The following HECTD2 variants were observed in gnomAD, a reference collection of about 807,000 sequenced individuals.
HECTD2 encodes the protein HECT domain E3 ubiquitin protein ligase 2.
A neutral mutation model predicts 103.2 loss-of-function variants in HECTD2; 35 were observed. The ratio of observed to expected loss-of-function variants is 0.34; its 90% CI spans 0.26 to 0.45. The LOEUF is 0.45. HECTD2 is among the 20% of genes least tolerant of loss of function. The probability of loss-of-function intolerance (pLI) is 1.00; values close to 1 mark genes in which losing one functional copy is unlikely to be tolerated. For missense variants in HECTD2, 596 were observed against 937.4 expected (o/e 0.64, Z 4.76); for synonymous variants, 281 against 329.9 (o/e 0.85, Z 1.61).
At chr10:91,412,702 CAAAG>C (rs942786859) in intron 1 of HECTD2, among the ~76,000 whole-genome samples, 4 of 118,880 alleles carry the variant, frequency 3.4e-5, no homozygotes, top group Non-Finnish European at 6.5e-5. Context: ...GTGTATTTGT[CAAAG>C]AGAGACTTCA....
rs1157081430 is a variant in HECTD2, at chr10:91,500,629, A to ATACT, written c.2066+14_2066+17dup. 8 of 1,224,334 alleles carry ATACT rather than the reference A, an allele frequency of 6.5e-6. No homozygotes were observed. In the East Asian group the frequency reaches 7.0e-5, roughly 11 times the overall value. 75.8% of individuals were successfully genotyped at this position (1,224,334 alleles called of 1,614,324 possible). On this transcript the variant is annotated intron_variant, in intron 19 of 20. Coordinates refer to ENST00000298068, the MANE Select transcript of HECTD2 (RefSeq NM_182765.6). ...GACTTAACTATAAAGTGAGCTCTTT[A>ATACT]TACTTCTGATAGTGGGGGATGTGGA...
intron 19 of HECTD2, 97 bp downstream of exon 19, chr10:91,500,714 T>C: frequency 1.6e-6 from 1 of 614,020 alleles, no homozygotes. Flanking sequence ...TTGAATCAAT[T>C]AAGTTAGTCA....
At position 91,487,643 on chromosome 10, in the gene HECTD2, ACAC is replaced by A. The variant is rs1483126914; in HGVS notation, c.1095-36_1095-34del. On this transcript the variant is annotated intron_variant, in intron 10 of 20. Coordinates refer to ENST00000298068, the MANE Select transcript of HECTD2 (RefSeq NM_182765.6). This position sits in a 1 kb window ranked among gnomAD's most constrained non-coding sequence, Gnocchi z 4.1. ...CCCTTAGTATAATTTTGTTAAAAAT[ACAC>A]CATTTTGCTTTTTCTTTTTTTCACT... 2 of 1,296,794 alleles carry A rather than the reference ACAC, an allele frequency of 1.5e-6. No individual in the cohort carries two copies. Among genetic ancestry groups the A allele is most frequent in the Non-Finnish European group, 2.2e-6 (2 of 890,806 alleles). The allele number at this position is 1,296,794 out of a possible 1,614,324, so 80.3% of individuals were successfully genotyped here.
intron 2 of HECTD2, among the ~76,000 whole-genome samples, chr10:91,433,163 TG>T (rs1309673690): frequency 6.6e-6 from 1 of 152,038 alleles, no homozygotes. Flanking sequence ...TAGGTCAGAG[TG>T]GGTAACTTGG....
intron 5 of HECTD2, among the ~76,000 whole-genome samples, chr10:91,467,493 G>A (rs993097365): frequency 6.6e-6 from 1 of 151,992 alleles, no homozygotes; most frequent in Non-Finnish European, 1.5e-5. Context: ...CCTCTCCCAG[G>A]GCCTCAGCCT....
chr10:91,432,345 C>T (rs544021717), intron 2 of HECTD2, among the ~76,000 whole-genome samples: 2 of 151,884 alleles, frequency 1.3e-5, no homozygotes, highest in Non-Finnish European at 2.9e-5. Flanking sequence ...AAAAACCCAG[C>T]GTGGGTTCAC....
intron 1 of HECTD2, among the ~76,000 whole-genome samples, chr10:91,411,225 C>A (rs1842906097): frequency 6.6e-6 from 1 of 152,096 alleles, no homozygotes; most frequent in Non-Finnish European, 1.5e-5. Context: ...GCTGTATCTT[C>A]GTAAGGGTTA....
At position 91,512,740 on chromosome 10, in the gene HECTD2, T is replaced by C. The variant is rs1389256910; in HGVS notation, c.*356T>C. The C allele has an allele frequency of 9.7e-6, 2 of 206,574 alleles. No homozygotes were observed. Among genetic ancestry groups the C allele is most frequent in the East Asian group, 1.0e-4 (1 of 9,578 alleles). The allele number at this position is 206,574 out of a possible 1,614,324, so 12.8% of individuals were successfully genotyped here. Reference sequence around the variant, plus strand: ...TGGTATAGTTGAACCCAGTGGCAGATTGTACACTGCTAGCACTGCTAGCAC... The same window carrying C: ...TGGTATAGTTGAACCCAGTGGCAGACTGTACACTGCTAGCACTGCTAGCAC... On this transcript the variant is annotated 3_prime_UTR_variant, in exon 21 of 21. Transcript: ENST00000298068.
intron 1 of HECTD2, among the ~76,000 whole-genome samples, chr10:91,413,153 G>T (rs1464746750): frequency 6.6e-6 from 1 of 151,880 alleles, no homozygotes; most frequent in Non-Finnish European, 1.5e-5. Flanking sequence ...GAATATATAT[G>T]AATAAAATAA....
chr10:91,415,216 G>GTGTGTGTGTGTGTC (rs1554864271), intron 1 of HECTD2, among the ~76,000 whole-genome samples: 4 of 151,908 alleles, frequency 2.6e-5, no homozygotes, highest in African/African-American at 9.7e-5. Flanking sequence ...GTGTGTGTGT[G>GTGTGTGTGTGTGTC]TGTGTGTGTG....
intron 10 of HECTD2, 154 bp downstream of exon 10, chr10:91,485,457 A>G (rs1846233309): frequency 1.8e-6 from 1 of 548,596 alleles, no homozygotes. Context: ...TTATTAAAGT[A>G]TTTTCTTTTT....
chr10:91,409,988 G>A (rs546568044), upstream of HECTD2, among the ~76,000 whole-genome samples: 1 of 152,166 alleles, frequency 6.6e-6, no homozygotes, highest in Non-Finnish European at 1.5e-5. Context: ...TGCAGGGCTC[G>A]ACTTGTCTCC....
intron 2 of HECTD2, among the ~76,000 whole-genome samples, chr10:91,443,863 T>TTA (rs551695882): frequency 1.4e-3 from 210 of 152,326 alleles, no homozygotes; most frequent in African/African-American, 4.1e-3. Context: ...ATATCCTTTA[T>TTA]TAAATATGGC....
At chr10:91,458,612 A>G (rs1845213189) in intron 2 of HECTD2, among the ~76,000 whole-genome samples, 1 of 152,010 alleles carries the variant, frequency 6.6e-6, no homozygotes, top group South Asian at 2.1e-4. Flanking sequence ...TAATTTGACA[A>G]AGGTCCAAAA....
At chr10:91,469,178 G>C (rs1420349575) in intron 5 of HECTD2, among the ~76,000 whole-genome samples, 1 of 152,180 alleles carries the variant, frequency 6.6e-6, no homozygotes, top group Non-Finnish European at 1.5e-5. Flanking sequence ...AATTTGGAAA[G>C]CATATTTGAG....
intron 2 of HECTD2, among the ~76,000 whole-genome samples, chr10:91,432,983 G>A (rs1843956799): frequency 6.6e-6 from 1 of 151,994 alleles, no homozygotes; most frequent in Non-Finnish European, 1.5e-5. Context: ...AACTTGAGGG[G>A]CAGGTGTTAG....
intron 2 of HECTD2, among the ~76,000 whole-genome samples, chr10:91,436,677 A>G (rs968412736): frequency 2.0e-5 from 3 of 151,962 alleles, no homozygotes; most frequent in African/African-American, 7.2e-5. Context: ...TAGGGAGCTA[A>G]CTTTTTATTC....
intron 20 of HECTD2, among the ~76,000 whole-genome samples, chr10:91,506,858 T>C (rs1416699201): frequency 1.3e-5 from 2 of 150,146 alleles, no homozygotes; most frequent in Non-Finnish European, 2.9e-5. Flanking sequence ...TGATGAACAT[T>C]GATGCAAAAA....
At chr10:91,435,595 C>T (rs550338687) in intron 2 of HECTD2, among the ~76,000 whole-genome samples, 1 of 152,078 alleles carries the variant, frequency 6.6e-6, no homozygotes, top group Non-Finnish European at 1.5e-5. Flanking sequence ...CACCTCAGGC[C>T]GCTGTGATTC....
Sources: gnomAD v4.1 joint callset for allele counts (sites outside exome capture counted in the v4.1 genomes callset) on GRCh38, gnomAD v4.1.1 for gene constraint, Gnocchi (gnomAD v3.1) non-coding constraint, MANE v1.5 for transcripts, NCBI Gene and HGNC (gene_info 2026-07-23, HGNC 2026-07-21) for gene names.